GRM1: variants seen among roughly 807,000 people sequenced by gnomAD.
GRM1 encodes the protein glutamate metabotropic receptor 1, also known as metabotropic glutamate receptor 1.
A neutral mutation model predicts 90.9 loss-of-function variants in GRM1; 33 were observed. The observed-to-expected ratio is 0.36, with a 90% CI of 0.28 to 0.49. The LOEUF (loss-of-function observed/expected upper bound fraction) is 0.49, where lower values mean the gene tolerates loss of function less well. GRM1 is among the 20% of genes least tolerant of loss of function. The probability of loss-of-function intolerance (pLI) is 0.99; values close to 1 mark genes in which losing one functional copy is unlikely to be tolerated. For synonymous variants in GRM1, 700 were observed against 613.2 expected, an observed-to-expected ratio of 1.14 and a Z score of -2.09; for missense variants, 1,190 against 1,534.3, an observed-to-expected ratio of 0.78 and a Z score of 3.75.
At position 146,357,622 on chromosome 6, in the gene GRM1, C is replaced by T. The variant is rs1785636154; in HGVS notation, c.1530C>T (p.Tyr510=). 3 of 1,613,938 alleles carry T rather than the reference C, an allele frequency of 1.9e-6. No homozygotes were observed. Among genetic ancestry groups the T allele is most frequent in the Non-Finnish European group, 2.5e-6 (3 of 1,179,854 alleles). ...WHEGVLNIDD[Y]KIQMNKSGVV... ...AAGGAGTGCTGAACATTGATGATTACAAAATCCAGATGAACAAGAGTGGAG... is the reference window on the plus strand; with the variant it reads ...AAGGAGTGCTGAACATTGATGATTATAAAATCCAGATGAACAAGAGTGGAG... The change falls in exon 5 of 8, where the codon TAC becomes TAT. Residue 510 remains tyrosine, a synonymous_variant. Transcript: ENST00000282753.
At position 146,124,216 on chromosome 6, in the gene GRM1, G is replaced by A. The variant is rs377577434; in HGVS notation, c.701-35132G>A. Among the ~76,000 whole-genome samples the A allele has an allele frequency of 1.3e-4, 20 of 152,168 alleles. No homozygotes were observed. The East Asian group carries it at 2.9e-3, about 22-fold the overall frequency. The stretch of plus-strand genomic sequence containing the variant: ...GAACAATGTAATGCTTTCCAAAATC[G>A]TACTTTTCCAAAGGATAAATTGATT... On this transcript the variant is annotated intron_variant, in intron 1 of 7. Transcript: ENST00000282753.
rs186985847 is a variant in GRM1 at position 146,380,248 on chromosome 6, G to A, written c.1603-6642G>A. On this transcript the variant is annotated intron_variant, in intron 5 of 7. Transcript: ENST00000282753. ...TTGGAAGTTCCATCTGGGAGTCAAA[G>A]ACTAGAGTCAAAAAACTTAGAAGTC... Among the ~76,000 whole-genome samples, 100 of 152,196 alleles carry A rather than the reference G, an allele frequency of 6.6e-4. 1 individual carries two copies. The East Asian group carries it at 9.1e-3, about 14-fold the overall frequency.
rs551939407 is a variant in GRM1, at chr6:146,175,396, A to G, written c.950+15799A>G. Among the ~76,000 whole-genome samples, 4 of 152,278 alleles carry G rather than the reference A, an allele frequency of 2.6e-5. No homozygotes were observed. The South Asian group carries it at 8.3e-4, about 32-fold the overall frequency. On this transcript the variant is annotated intron_variant, in intron 2 of 7. Transcript: ENST00000282753. ...CTTGAGTTTTCGAGACTTATAATAG[A>G]TTCTTGTTACAACCTCTACTTTCCT...
intron 7 of GRM1, among the ~76,000 whole-genome samples, chr6:146,401,532 T>G (rs1429369246): frequency 6.6e-6 from 1 of 152,192 alleles, no homozygotes; most frequent in African/African-American, 2.4e-5. Flanking sequence ...AGAAGGCATT[T>G]CTTAAACTGG....
At chr6:146,237,927 A>G (rs367587486) in intron 2 of GRM1, among the ~76,000 whole-genome samples, 5 of 152,174 alleles carry the variant, frequency 3.3e-5, no homozygotes, top group Admixed American at 1.3e-4. Flanking sequence ...TTTGAAAAGT[A>G]TTTGGACAAA....
At chr6:146,055,116 C>T (rs764942804) in intron 1 of GRM1, among the ~76,000 whole-genome samples, 1 of 151,992 alleles carries the variant, frequency 6.6e-6, no homozygotes, top group African/African-American at 2.4e-5. Context: ...CACATATGAG[C>T]TATTTTTTTA....
At chr6:146,381,485 C>G (rs1171640575) in intron 5 of GRM1, among the ~76,000 whole-genome samples, 18 of 152,188 alleles carry the variant, frequency 1.2e-4, no homozygotes, top group Admixed American at 1.2e-3. Context: ...CATCATGCTG[C>G]AGCATCTAGA....
chr6:146,178,328 A>G (rs1778410633), intron 2 of GRM1, among the ~76,000 whole-genome samples: 1 of 152,224 alleles, frequency 6.6e-6, no homozygotes, highest in Non-Finnish European at 1.5e-5. Flanking sequence ...TTAAGACCAC[A>G]GAGGTAAAGT....
At chr6:146,344,159 C>T (rs377624336) in intron 3 of GRM1, among the ~76,000 whole-genome samples, 22 of 152,168 alleles carry the variant, frequency 1.4e-4, no homozygotes, top group African/African-American at 5.3e-4. Flanking sequence ...TGTAACCTCC[C>T]AACCCAACAA....
chr6:146,194,202 A>G (rs1050718599), intron 2 of GRM1, among the ~76,000 whole-genome samples: 1 of 152,096 alleles, frequency 6.6e-6, no homozygotes, highest in African/African-American at 2.4e-5. Flanking sequence ...GCCTACTCAT[A>G]TCTTCTTTGT....
chr6:146,196,622 G>C (rs117862587), intron 2 of GRM1, among the ~76,000 whole-genome samples: 1,851 of 151,982 alleles, frequency 0.012, 78 homozygotes, highest in East Asian at 0.091. Context: ...TGTTTTTAAA[G>C]TGTGATCCCT....
intron 2 of GRM1, among the ~76,000 whole-genome samples, chr6:146,228,351 G>A (rs754302422): frequency 3.9e-5 from 6 of 152,156 alleles, no homozygotes; most frequent in Non-Finnish European, 8.8e-5. Context: ...AAGAGCAGAA[G>A]GACAAGCATT....
rs1777635676 is a variant in GRM1, at chr6:146,159,595, A to C, written c.948A>C (p.Gly316=). The C allele has an allele frequency of 2.0e-6, 3 of 1,527,772 alleles. No homozygotes were observed. Among genetic ancestry groups the C allele is most frequent in the Non-Finnish European group, 1.8e-6 (2 of 1,112,258 alleles). 94.6% of individuals were successfully genotyped at this position (1,527,772 alleles called of 1,614,324 possible). A position where few individuals can be genotyped will look rare whatever the true frequency, so the allele number is the denominator to read the frequency against. Reference sequence around the variant, plus strand: ...TCGTGGGCGAGTTCTCACTCATTGGAAGGTAAGTTTCTCTCTCTCTCTCTC... The same window carrying C: ...TCGTGGGCGAGTTCTCACTCATTGGCAGGTAAGTTTCTCTCTCTCTCTCTC... ...LGVVGEFSLI[G]SDGWADRDEV... The change falls in exon 2 of 8, where the codon GGA becomes GGC. Residue 316 remains glycine (G), a splice_region_variant and synonymous_variant. Coordinates refer to ENST00000282753, the MANE Select transcript of GRM1 (RefSeq NM_001278064.2).
At chr6:146,132,008 G>A (rs535048008) in intron 1 of GRM1, among the ~76,000 whole-genome samples, 48 of 152,206 alleles carry the variant, frequency 3.2e-4, no homozygotes, top group Admixed American at 5.2e-4. Context: ...GAAGTCTCCC[G>A]GCAAGGAAAG....
intron 2 of GRM1, among the ~76,000 whole-genome samples, chr6:146,255,778 C>T (rs752328980): frequency 5.9e-5 from 9 of 152,150 alleles, no homozygotes; most frequent in Non-Finnish European, 1.2e-4. Context: ...CATTCCATAA[C>T]TCCATCTTTC....
At chr6:146,090,832 C>G (rs1562457234) in intron 1 of GRM1, among the ~76,000 whole-genome samples, 1 of 152,028 alleles carries the variant, frequency 6.6e-6, no homozygotes, top group African/African-American at 2.4e-5. Context: ...CACATTCTGG[C>G]CCATGGTTTA....
intron 2 of GRM1, among the ~76,000 whole-genome samples, chr6:146,271,140 G>C (rs1021743019): frequency 2.6e-5 from 4 of 151,732 alleles, no homozygotes; most frequent in Non-Finnish European, 4.4e-5. Context: ...GAGTAGCTGT[G>C]ATTACTGGCA....
chr6:146,296,829 C>T (rs183591924), intron 2 of GRM1, among the ~76,000 whole-genome samples: 109 of 152,326 alleles, frequency 7.2e-4, no homozygotes, highest in African/African-American at 2.2e-3. Flanking sequence ...TCAGGCAACA[C>T]TTCCAGTTCC....
chr6:146,251,237 A>T (rs1342104284), intron 2 of GRM1, among the ~76,000 whole-genome samples: 2 of 152,224 alleles, frequency 1.3e-5, no homozygotes, highest in Admixed American at 6.5e-5. Context: ...ACAATCAGGC[A>T]TCTTAAATAC....
Sources: gnomAD v4.1 joint callset for allele counts (sites outside exome capture counted in the v4.1 genomes callset) on GRCh38, gnomAD v4.1.1 for gene constraint, MANE v1.5 for transcripts, NCBI Gene and HGNC (gene_info 2026-07-23, HGNC 2026-07-21) for gene names.